The following AOPEP variants were observed in gnomAD, a reference collection of about 807,000 sequenced individuals.
AOPEP encodes aminopeptidase O (putative).
AOPEP carries 77 observed loss-of-function variants against 98.1 expected under a neutral mutation model. The ratio of observed to expected loss-of-function variants is 0.78; its 90% CI spans 0.65 to 0.95. AOPEP has a LOEUF of 0.95. Among genes scored for constraint, AOPEP ranks in the 40% least tolerant of loss-of-function variants. The pLI, the probability that AOPEP is intolerant of heterozygous loss-of-function variation, is 0.00. For synonymous variants in AOPEP, 346 were observed against 365.3 expected, an observed-to-expected ratio of 0.95 and a Z score of 0.60; for missense variants, 1,024 against 1,024.7, an observed-to-expected ratio of 1.00 and a Z score of 0.01.
the AOPEP span, chr9:95,099,399 C>T: frequency 4.4e-5 from 10 of 227,970 alleles, no homozygotes; most frequent in Non-Finnish European, 8.7e-5. Context: ...TGTGCCCAGG[C>T]CCCGCCAACG....
chr9:94,752,653 T>TA (rs1218944787), intron 1 of AOPEP, among the ~76,000 whole-genome samples: 4 of 152,194 alleles, frequency 2.6e-5, no homozygotes, highest in Non-Finnish European at 5.9e-5. Context: ...TTACTAAAGA[T>TA]AAACTTAAGT....
At chr9:95,058,205 A>AT (rs1302028326) in intron 13 of AOPEP, among the ~76,000 whole-genome samples, 1 of 152,170 alleles carries the variant, frequency 6.6e-6, no homozygotes, top group Non-Finnish European at 1.5e-5. Context: ...CTGGAGCTGT[A>AT]TCTATTGGTT....
At chr9:94,946,293 A>C (rs961432237) in intron 7 of AOPEP, among the ~76,000 whole-genome samples, 3 of 152,200 alleles carry the variant, frequency 2.0e-5, no homozygotes, top group Non-Finnish European at 4.4e-5. Context: ...TTTAGCTTAA[A>C]TATATTCCGG....
chr9:94,914,541 T>TGTGTGTGTGC (rs2052524662), intron 5 of AOPEP, among the ~76,000 whole-genome samples: 1 of 151,776 alleles, frequency 6.6e-6, no homozygotes, highest in African/African-American at 2.4e-5. Flanking sequence ...TGTGTGTGTG[T>TGTGTGTGTGC]GTGTGTGTGT....
the AOPEP span, chr9:95,101,398 AC>A: frequency 6.7e-6 from 3 of 446,274 alleles, no homozygotes; most frequent in Non-Finnish European, 1.2e-5. Context: ...AAAACTAGAA[AC>A]CTGTTCTCCC....
intron 5 of AOPEP, among the ~76,000 whole-genome samples, chr9:94,819,452 C>T (rs952745726): frequency 6.6e-6 from 1 of 152,294 alleles, no homozygotes; most frequent in East Asian, 1.9e-4. Context: ...CCCTCTCCGC[C>T]TGTGTTCACA....
intron 1 of AOPEP, among the ~76,000 whole-genome samples, chr9:94,746,660 T>G (rs930436661): frequency 1.3e-5 from 2 of 152,180 alleles, no homozygotes; most frequent in African/African-American, 4.8e-5. Context: ...GCAACCCAAA[T>G]GCCTGCTGAT....
At chr9:95,108,542 C>T in the AOPEP span, among the ~76,000 whole-genome samples, 3 of 152,260 alleles carry the variant, frequency 2.0e-5, no homozygotes, top group Non-Finnish European at 4.4e-5. Flanking sequence ...CCTTCAGAGG[C>T]CGTCCATGCT....
chr9:95,131,046 G>A, the AOPEP span, among the ~76,000 whole-genome samples: 1 of 151,934 alleles, frequency 6.6e-6, no homozygotes. Flanking sequence ...ATTTGAGCTC[G>A]GAAAAATTAT....
chr9:94,952,456 T>C (rs753199122), intron 7 of AOPEP, among the ~76,000 whole-genome samples: 4 of 152,224 alleles, frequency 2.6e-5, no homozygotes, highest in Non-Finnish European at 4.4e-5. Context: ...TGACCATTAT[T>C]CTGATCTCTA....
At chr9:95,018,336 G>A (rs1242910847) in intron 13 of AOPEP, among the ~76,000 whole-genome samples, 1 of 152,190 alleles carries the variant, frequency 6.6e-6, no homozygotes, top group Non-Finnish European at 1.5e-5. Flanking sequence ...TCCGGTGGGT[G>A]TTCAAACGTG....
chr9:94,820,806 C>T (rs1852907115), intron 5 of AOPEP, among the ~76,000 whole-genome samples: 1 of 152,192 alleles, frequency 6.6e-6, no homozygotes, highest in Admixed American at 6.5e-5. Flanking sequence ...TTTTGCGTAG[C>T]TCACTGATAT....
intron 5 of AOPEP, among the ~76,000 whole-genome samples, chr9:94,835,782 G>C (rs2041519302): frequency 6.6e-6 from 1 of 152,216 alleles, no homozygotes; most frequent in South Asian, 2.1e-4. Flanking sequence ...AGGGAGTGCA[G>C]TAGGGCCAAG....
At chr9:94,782,749 TG>T (rs1843571569) in intron 3 of AOPEP, among the ~76,000 whole-genome samples, 1 of 152,254 alleles carries the variant, frequency 6.6e-6, no homozygotes, top group Non-Finnish European at 1.5e-5. Flanking sequence ...TACATTCCTA[TG>T]TTTTTAAGGG....
chr9:95,072,133 A>G (rs1244216979), intron 14 of AOPEP, among the ~76,000 whole-genome samples: 2 of 152,212 alleles, frequency 1.3e-5, no homozygotes, highest in Admixed American at 6.5e-5. Flanking sequence ...CACCCATTCT[A>G]GAGCAAGGAT....
chr9:95,117,745 C>T, the AOPEP span, among the ~76,000 whole-genome samples: 14 of 114,124 alleles, frequency 1.2e-4, no homozygotes, highest in Non-Finnish European at 2.0e-4. Flanking sequence ...TTTTTTGAAA[C>T]GGAGTTTTGC....
chr9:95,125,363 T>C, the AOPEP span, among the ~76,000 whole-genome samples: 7 of 152,246 alleles, frequency 4.6e-5, 1 homozygote, highest in African/African-American at 1.7e-4. Context: ...CGCTCCCTGT[T>C]ATATTTTCTT....
intron 14 of AOPEP, chr9:95,061,022 T>G: frequency 8.7e-6 from 4 of 460,838 alleles, no homozygotes; most frequent in Non-Finnish European, 1.6e-5. Flanking sequence ...TCCCTCTTCT[T>G]AAATCATAAA....
intron 13 of AOPEP, among the ~76,000 whole-genome samples, chr9:95,042,404 A>G (rs1024503277): frequency 3.9e-5 from 6 of 152,248 alleles, no homozygotes; most frequent in African/African-American, 7.2e-5. Context: ...TGTTGCACCA[A>G]ACAGGCTAAG....
Sources: gnomAD v4.1 joint callset for allele counts (sites outside exome capture counted in the v4.1 genomes callset) on GRCh38, gnomAD v4.1.1 for gene constraint, MANE v1.5 for transcripts, NCBI Gene and HGNC (gene_info 2026-07-23, HGNC 2026-07-21) for gene names.